The following ANKRD10 variants were observed in gnomAD, a reference collection of about 807,000 sequenced individuals.
The protein encoded by ANKRD10 is ankyrin repeat domain 10.
ANKRD10 carries 14 observed loss-of-function variants against 27.0 expected under a neutral mutation model. That is an observed-to-expected ratio of 0.52 (90% CI 0.34 to 0.81). The LOEUF is 0.81. ANKRD10 is among the 40% of genes least tolerant of loss of function. The pLI is 0.01. For synonymous variants in ANKRD10, 250 were observed against 224.5 expected, an observed-to-expected ratio of 1.11 and a Z score of -1.01; for missense variants, 493 against 544.0, an observed-to-expected ratio of 0.91 and a Z score of 0.93.
chr13:110,899,438 G>A (rs1023100621), intron 3 of ANKRD10, among the ~76,000 whole-genome samples: 3 of 152,162 alleles, frequency 2.0e-5, no homozygotes, highest in African/African-American at 7.2e-5. Context: ...TTGTTCTACA[G>A]CTATAGCCTA....
chr13:110,893,872 G>A (rs2065148663), intron 3 of ANKRD10, among the ~76,000 whole-genome samples: 1 of 152,218 alleles, frequency 6.6e-6, no homozygotes, highest in Non-Finnish European at 1.5e-5. Flanking sequence ...ACCTGCAGGA[G>A]TATTGTATTT....
rs187389530 is a variant in ANKRD10 at position 110,883,264 on chromosome 13, T to G, written c.787+434A>C. 52 of 154,956 alleles carry G rather than the reference T, an allele frequency of 3.4e-4. 1 individual carries two copies. In the East Asian group the frequency reaches 9.4e-3, roughly 28 times the overall value. 9.6% of individuals were successfully genotyped at this position (154,956 alleles called of 1,614,324 possible). On this transcript the variant is annotated intron_variant, in intron 5 of 5. Transcript: ENST00000267339. ...TCGTCCTCTTTGTGGTATATTGGTT[T>G]GAAAATATTAACTGTAGCATGTTCG...
At position 110,893,281 on chromosome 13, in the gene ANKRD10, A is replaced by G. The variant is rs1473369207; in HGVS notation, c.456-18T>C. The G allele has an allele frequency of 1.2e-6, 2 of 1,611,544 alleles. No individual in the cohort carries two copies. Among genetic ancestry groups the G allele is most frequent in the Non-Finnish European group, 1.7e-6 (2 of 1,178,126 alleles). ...TTCTCAGGCTGTACAACACAAAAACACTGAATTACACCCCATCCGCGTGCT... is the reference window on the plus strand; with the variant it reads ...TTCTCAGGCTGTACAACACAAAAACGCTGAATTACACCCCATCCGCGTGCT... On this transcript the variant is annotated intron_variant, in intron 3 of 5. Coordinates refer to ENST00000267339, the MANE Select transcript of ANKRD10 (RefSeq NM_017664.4).
chr13:110,909,824 A>G (rs542984978), intron 2 of ANKRD10, among the ~76,000 whole-genome samples: 1 of 152,344 alleles, frequency 6.6e-6, no homozygotes, highest in South Asian at 2.1e-4. Flanking sequence ...TTTGCATCCA[A>G]GACCTTGATG....
intron 4 of ANKRD10, among the ~76,000 whole-genome samples, chr13:110,888,401 AAAC>A (rs2064990640): frequency 6.6e-6 from 1 of 152,048 alleles, no homozygotes. Context: ...GATCAAGAAA[AAAC>A]AATCACTCCT....
intron 3 of ANKRD10, chr13:110,894,199 A>C: frequency 6.2e-7 from 1 of 1,608,722 alleles, no homozygotes; most frequent in African/African-American, 1.3e-5. Flanking sequence ...TCTGTGAAAT[A>C]AACCTGTAAA....
chr13:110,899,217 G>C (rs544515895), intron 3 of ANKRD10: 1 of 152,272 alleles, frequency 6.6e-6, no homozygotes, highest in East Asian at 1.9e-4. Context: ...TATTCCAAAG[G>C]GAAAATTAAA....
At chr13:110,904,847 A>C (rs1302984997) in intron 3 of ANKRD10, among the ~76,000 whole-genome samples, 1 of 152,248 alleles carries the variant, frequency 6.6e-6, no homozygotes, top group Non-Finnish European at 1.5e-5. Context: ...ATCACAGCCC[A>C]AACTAATGGC....
At chr13:110,892,349 T>C (rs1400781101) in intron 4 of ANKRD10, among the ~76,000 whole-genome samples, 1 of 133,844 alleles carries the variant, frequency 7.5e-6, no homozygotes, top group Non-Finnish European at 1.5e-5. Context: ...AGAATTGCTT[T>C]AACTTGGGAG....
At chr13:110,887,555 TA>T (rs1293911191) in intron 4 of ANKRD10, among the ~76,000 whole-genome samples, 1 of 152,188 alleles carries the variant, frequency 6.6e-6, no homozygotes, top group Non-Finnish European at 1.5e-5. Flanking sequence ...AAAAGCACTC[TA>T]TAAAGTCATA....
At chr13:110,885,324 G>T (rs896931083) in intron 4 of ANKRD10, among the ~76,000 whole-genome samples, 1 of 151,966 alleles carries the variant, frequency 6.6e-6, no homozygotes, top group Non-Finnish European at 1.5e-5. Context: ...AGGCCGAGGC[G>T]GGTGGATCAC....
At chr13:110,897,071 T>C (rs772953338) in intron 3 of ANKRD10, among the ~76,000 whole-genome samples, 4 of 152,104 alleles carry the variant, frequency 2.6e-5, no homozygotes, top group Non-Finnish European at 5.9e-5. Flanking sequence ...AAATAAAAAA[T>C]TACTGTTAGT....
At chr13:110,897,764 G>A (rs185685490) in intron 3 of ANKRD10, among the ~76,000 whole-genome samples, 1 of 152,190 alleles carries the variant, frequency 6.6e-6, no homozygotes, top group Admixed American at 6.5e-5. Flanking sequence ...GTTTGTTCAG[G>A]AACCTCCATA....
intron 4 of ANKRD10, among the ~76,000 whole-genome samples, chr13:110,886,178 T>G (rs75533516): frequency 0.27 from 40,921 of 152,208 alleles, 6,873 homozygotes; most frequent in Non-Finnish European, 0.38. Flanking sequence ...AGAGCCGCGT[T>G]AAGGGCAGCC....
At chr13:110,885,330 A>G (rs1459408626) in intron 4 of ANKRD10, among the ~76,000 whole-genome samples, 1 of 152,132 alleles carries the variant, frequency 6.6e-6, no homozygotes, top group Non-Finnish European at 1.5e-5. Flanking sequence ...AGGCGGGTGG[A>G]TCACGAGGTC....
intron 2 of ANKRD10, among the ~76,000 whole-genome samples, chr13:110,910,357 A>T (rs904454114): frequency 6.6e-6 from 1 of 152,210 alleles, no homozygotes. Context: ...AGGCTCCTTT[A>T]ATTACCAGCT....
chr13:110,906,306 G>A (rs1594625428), intron 2 of ANKRD10, among the ~76,000 whole-genome samples, 182 bp from the exon 3 acceptor site: 1 of 152,232 alleles, frequency 6.6e-6, no homozygotes, highest in Middle Eastern at 3.4e-3. Context: ...AACGAACCAG[G>A]AGGGGCCAAG....
At chr13:110,886,558 T>C (rs749553228) in intron 4 of ANKRD10, among the ~76,000 whole-genome samples, 1 of 152,176 alleles carries the variant, frequency 6.6e-6, no homozygotes, top group Non-Finnish European at 1.5e-5. Context: ...GGTAGAGATA[T>C]TAAGCCCGCA....
intron 1 of ANKRD10, among the ~76,000 whole-genome samples, chr13:110,913,834 G>A (rs562496021): frequency 2.0e-5 from 3 of 152,242 alleles, no homozygotes; most frequent in South Asian, 2.1e-4. Flanking sequence ...TGAAATGCAC[G>A]GTGAAATCTT....
Sources: gnomAD v4.1 joint callset for allele counts (sites outside exome capture counted in the v4.1 genomes callset) on GRCh38, gnomAD v4.1.1 for gene constraint, MANE v1.5 for transcripts, NCBI Gene and HGNC (gene_info 2026-07-23, HGNC 2026-07-21) for gene names.